GRIK2: variants seen among roughly 807,000 people sequenced by gnomAD.
GRIK2 encodes glutamate ionotropic receptor kainate type subunit 2, also known as glutamate receptor ionotropic, kainate 2.
A neutral mutation model predicts 100.3 loss-of-function variants in GRIK2; 32 were observed. That is an observed-to-expected ratio of 0.32 (90% CI 0.24 to 0.43). The LOEUF (loss-of-function observed/expected upper bound fraction) is 0.43, where lower values mean the gene tolerates loss of function less well. Ranked by LOEUF, GRIK2 falls within the 20% of genes least tolerant of loss-of-function variation. The pLI, the probability that GRIK2 is intolerant of heterozygous loss-of-function variation, is 1.00. For missense variants in GRIK2, 843 were observed against 1,114.9 expected (o/e 0.76, Z 3.47); for synonymous variants, 417 against 389.4 (o/e 1.07, Z -0.83).
chr6:101,862,802 A>C (rs1474140088), intron 11 of GRIK2, among the ~76,000 whole-genome samples: 1 of 152,098 alleles, frequency 6.6e-6, no homozygotes. Flanking sequence ...TATATGTCCT[A>C]CTACAGAAAA....
At chr6:101,823,862 G>GTTTTTTTTTT (rs11454516) in intron 10 of GRIK2, among the ~76,000 whole-genome samples, 3 of 130,408 alleles carry the variant, frequency 2.3e-5, no homozygotes, top group Non-Finnish European at 3.3e-5. Flanking sequence ...AGTAAGTTCT[G>GTTTTTTTTTT]TTTTTTTTTT....
intron 2 of GRIK2, among the ~76,000 whole-genome samples, chr6:101,493,406 C>T (rs1474082493): frequency 6.6e-6 from 1 of 152,016 alleles, no homozygotes; most frequent in Non-Finnish European, 1.5e-5. Flanking sequence ...ATCTGACTGA[C>T]AGCTAACTTC....
intron 2 of GRIK2, among the ~76,000 whole-genome samples, chr6:101,612,015 A>G (rs1357774095): frequency 6.6e-6 from 1 of 151,908 alleles, no homozygotes; most frequent in Admixed American, 6.6e-5. Flanking sequence ...GAAAATAGCC[A>G]GAAGTTGAGG....
At chr6:101,883,352 A>T (rs1477790239) in intron 11 of GRIK2, among the ~76,000 whole-genome samples, 2 of 151,036 alleles carry the variant, frequency 1.3e-5, no homozygotes, top group Non-Finnish European at 2.9e-5. Flanking sequence ...GGGTAGAATT[A>T]CCATGTGCAA....
At chr6:101,909,584 C>T (rs1179863519) in intron 12 of GRIK2, among the ~76,000 whole-genome samples, 1 of 150,450 alleles carries the variant, frequency 6.6e-6, no homozygotes, top group African/African-American at 2.4e-5. Flanking sequence ...GAGCACATTT[C>T]CTGTTTTATT....
intron 2 of GRIK2, among the ~76,000 whole-genome samples, chr6:101,402,300 A>G (rs574995305): frequency 5.9e-5 from 9 of 152,240 alleles, no homozygotes; most frequent in Non-Finnish European, 1.2e-4. Flanking sequence ...GCTCGCGCGC[A>G]CTAAGACACA....
chr6:101,922,870 C>G (rs998149600), intron 12 of GRIK2, among the ~76,000 whole-genome samples: 1 of 152,158 alleles, frequency 6.6e-6, no homozygotes, highest in South Asian at 2.1e-4. Flanking sequence ...GGCCAACATT[C>G]TGTTACTTGG....
chr6:102,064,004 GT>G (rs1473857918), intron 16 of GRIK2: 2 of 1,555,174 alleles, frequency 1.3e-6, no homozygotes. Flanking sequence ...TCCAGACACT[GT>G]TTAGTAATCT....
At chr6:102,050,605 C>T (rs1201973388) in intron 15 of GRIK2, among the ~76,000 whole-genome samples, 1 of 147,906 alleles carries the variant, frequency 6.8e-6, no homozygotes, top group Non-Finnish European at 1.5e-5. Context: ...CAAGATGGCA[C>T]CACTGCACTC....
intron 16 of GRIK2, among the ~76,000 whole-genome samples, chr6:102,058,493 G>T (rs1234257881): frequency 1.3e-5 from 2 of 151,524 alleles, no homozygotes; most frequent in Admixed American, 6.6e-5. Context: ...AATAATTATG[G>T]ATTTAATGGA....
At chr6:102,041,257 G>GATA (rs1487865371) in intron 15 of GRIK2, among the ~76,000 whole-genome samples, 1 of 151,564 alleles carries the variant, frequency 6.6e-6, no homozygotes, top group African/African-American at 2.4e-5. Flanking sequence ...TGTAGAAATG[G>GATA]ATAATTCTCA....
At chr6:101,587,129 A>G (rs1213306065) in intron 2 of GRIK2, among the ~76,000 whole-genome samples, 1 of 152,066 alleles carries the variant, frequency 6.6e-6, no homozygotes, top group Non-Finnish European at 1.5e-5. Flanking sequence ...GGTTTTAAAA[A>G]TGAATATGAA....
intron 7 of GRIK2, among the ~76,000 whole-genome samples, chr6:101,720,654 A>T (rs2128365038): frequency 6.6e-6 from 1 of 152,144 alleles, no homozygotes; most frequent in African/African-American, 2.4e-5. Context: ...TGATTCAGTC[A>T]TCCAAGATTT....
chr6:101,555,582 G>A (rs898098498), intron 2 of GRIK2, among the ~76,000 whole-genome samples: 1 of 152,112 alleles, frequency 6.6e-6, no homozygotes. Flanking sequence ...TTATGTAATA[G>A]TCTTTCTATT....
intron 7 of GRIK2, among the ~76,000 whole-genome samples, chr6:101,753,272 G>C (rs1241362335): frequency 3.9e-5 from 5 of 128,310 alleles, no homozygotes; most frequent in Non-Finnish European, 7.8e-5. Flanking sequence ...GGCAGAGCGA[G>C]ACTCCGTCTC....
chr6:101,487,896 A>C (rs2128265074), intron 2 of GRIK2, among the ~76,000 whole-genome samples: 1 of 146,444 alleles, frequency 6.8e-6, no homozygotes, highest in East Asian at 1.9e-4. Context: ...ACCCTGAGTA[A>C]ATGTTATTTT....
At chr6:101,585,841 G>A (rs937543568) in intron 2 of GRIK2, among the ~76,000 whole-genome samples, 2 of 152,140 alleles carry the variant, frequency 1.3e-5, no homozygotes, top group African/African-American at 2.4e-5. Context: ...TACAAAACAG[G>A]AATAACAGTA....
intron 2 of GRIK2, among the ~76,000 whole-genome samples, chr6:101,577,799 A>T (rs936861618): frequency 1.3e-5 from 2 of 152,198 alleles, no homozygotes; most frequent in African/African-American, 2.4e-5. Context: ...AACACAATGT[A>T]TATTCATTTC....
intron 2 of GRIK2, among the ~76,000 whole-genome samples, chr6:101,578,964 C>T (rs1777918403): frequency 6.6e-6 from 1 of 152,110 alleles, no homozygotes; most frequent in South Asian, 2.1e-4. Context: ...TGACTGCAGG[C>T]ATTTAACTTC....
Sources: allele counts gnomAD v4.1 joint callset (sites outside exome capture counted in the v4.1 genomes callset), GRCh38; gene constraint gnomAD v4.1.1; transcripts MANE v1.5; gene names NCBI Gene and HGNC (gene_info 2026-07-23, HGNC 2026-07-21).